The following FAM163A variants were observed in gnomAD, a reference collection of about 807,000 sequenced individuals.
FAM163A encodes protein FAM163A.
FAM163A carries 7 observed loss-of-function variants against 12.0 expected under a neutral mutation model. The ratio of observed to expected loss-of-function variants is 0.58; its 90% CI spans 0.33 to 1.10. The LOEUF is 1.10. Ranked by LOEUF, FAM163A falls within the 50% of genes least tolerant of loss-of-function variation. The pLI, the probability that FAM163A is intolerant of heterozygous loss-of-function variation, is 0.03. For missense variants in FAM163A, 202 were observed against 218.6 expected (o/e 0.92, Z 0.48); for synonymous variants, 101 against 91.0 (o/e 1.11, Z -0.62).
chr1:179,761,844 C>A (rs1250277994), intron 1 of FAM163A, among the ~76,000 whole-genome samples: 1 of 151,612 alleles, frequency 6.6e-6, no homozygotes, highest in African/African-American at 2.4e-5. Context: ...TTTGCATCAG[C>A]TATTGAGTAT....
At chr1:179,791,443 G>A (rs1430582628) in intron 1 of FAM163A, among the ~76,000 whole-genome samples, 1 of 152,194 alleles carries the variant, frequency 6.6e-6, no homozygotes, top group African/African-American at 2.4e-5. Context: ...AGCATGGCCA[G>A]GAGGCAGTTC....
chr1:179,755,757 G>A (rs1453475945), intron 1 of FAM163A, among the ~76,000 whole-genome samples: 3 of 152,180 alleles, frequency 2.0e-5, no homozygotes, highest in Non-Finnish European at 4.4e-5. Context: ...AGAACTGCTT[G>A]AGGACCACAT....
intron 1 of FAM163A, among the ~76,000 whole-genome samples, chr1:179,803,525 C>T (rs1372802899): frequency 1.3e-5 from 2 of 152,174 alleles, no homozygotes; most frequent in African/African-American, 4.8e-5. Context: ...TAGTGCCCAA[C>T]TCCAGCCTCT....
intron 1 of FAM163A, among the ~76,000 whole-genome samples, chr1:179,763,258 T>C (rs1387769171): frequency 6.6e-6 from 1 of 152,232 alleles, no homozygotes; most frequent in Non-Finnish European, 1.5e-5. Context: ...ATTTCCTTTA[T>C]AGATGTAACT....
At chr1:179,786,113 AC>A (rs1157398627) in intron 1 of FAM163A, among the ~76,000 whole-genome samples, 1 of 152,214 alleles carries the variant, frequency 6.6e-6, no homozygotes, top group Non-Finnish European at 1.5e-5. Context: ...AGTAATTAAT[AC>A]TTTTTAATCT....
the FAM163A span, among the ~76,000 whole-genome samples, chr1:179,732,919 G>C: frequency 7.2e-6 from 1 of 138,864 alleles, no homozygotes; most frequent in Non-Finnish European, 1.5e-5. Context: ...TTGTTTACAT[G>C]ATTGTTAGTC....
rs1186149611 is a variant in FAM163A at position 179,813,890 on chromosome 1, G to T, written c.205G>T (p.Ala69Ser). ...CACCTGCAATGCCTGCAGCTCCCAA[G>T]CCCTGGACGGCAGAGGCAGCCTGGC... ...GPTCNACSSQALDGRGSLAPL... is the reference protein window; with the variant it reads ...GPTCNACSSQSLDGRGSLAPL... Residue 69 changes from alanine to serine, a missense_variant, in exon 5 of 5, where the codon GCC (alanine) becomes TCC (serine). By Grantham distance (99) the Ala-to-Ser change is moderately conservative. Coordinates refer to ENST00000341785, the MANE Select transcript of FAM163A (RefSeq NM_173509.3). The T allele has an allele frequency of 6.2e-7, 1 of 1,613,936 alleles. No individual in the cohort carries two copies.
chr1:179,754,219 G>A (rs1027731690), intron 1 of FAM163A, among the ~76,000 whole-genome samples: 1 of 151,942 alleles, frequency 6.6e-6, no homozygotes, highest in Non-Finnish European at 1.5e-5. Context: ...TTCTGTTAGG[G>A]GATTTAATCA....
At chr1:179,790,094 C>T (rs560884480) in intron 1 of FAM163A, among the ~76,000 whole-genome samples, 1 of 152,172 alleles carries the variant, frequency 6.6e-6, no homozygotes, top group South Asian at 2.1e-4. Context: ...TGAAGTATGA[C>T]CCTCAACCCA....
At chr1:179,759,267 C>G (rs193091695) in intron 1 of FAM163A, among the ~76,000 whole-genome samples, 38 of 152,178 alleles carry the variant, frequency 2.5e-4, no homozygotes, top group Admixed American at 7.2e-4. Flanking sequence ...GCCAATTGTG[C>G]CCTTATGGGG....
chr1:179,754,640 G>T (rs376717059), intron 1 of FAM163A, among the ~76,000 whole-genome samples: 1 of 152,154 alleles, frequency 6.6e-6, no homozygotes, highest in Non-Finnish European at 1.5e-5. Flanking sequence ...GGGCCAAGAG[G>T]CTTCAAGAGA....
intron 1 of FAM163A, among the ~76,000 whole-genome samples, chr1:179,798,991 G>A (rs1432335547): frequency 1.3e-5 from 2 of 152,062 alleles, no homozygotes; most frequent in Non-Finnish European, 2.9e-5. Context: ...GCTCCCTCTG[G>A]CCCTCTTGTC....
chr1:179,795,957 T>TTTATTATTATTATTATTATTATTATTA (rs1557958055), intron 1 of FAM163A, among the ~76,000 whole-genome samples: 109 of 77,858 alleles, frequency 1.4e-3, no homozygotes, highest in African/African-American at 8.5e-3. Context: ...GGAGTCTTTC[T>TTTATTATTATTATTATTATTATTATTA]CTATTATTAT....
At chr1:179,750,362 A>G (rs16854633) in intron 1 of FAM163A, among the ~76,000 whole-genome samples, 2,464 of 152,338 alleles carry the variant, frequency 0.016, 68 homozygotes, top group African/African-American at 0.055. Flanking sequence ...GTGGAGGTGC[A>G]TGGTATTCTA....
intron 1 of FAM163A, among the ~76,000 whole-genome samples, chr1:179,807,240 G>A (rs755720991): frequency 3.9e-5 from 6 of 152,180 alleles, no homozygotes; most frequent in African/African-American, 1.4e-4. Context: ...CACCATCAGC[G>A]CAGCAGCCTG....
Position 179,800,231 on chromosome 1 carries a change from C to T in FAM163A, c.-135-7567C>T, listed in dbSNP as rs540649331. Among the ~76,000 whole-genome samples, 21 of 152,272 alleles carry T rather than the reference C, an allele frequency of 1.4e-4. No homozygotes were observed. The East Asian group carries it at 2.7e-3, about 20-fold the overall frequency. ...TCAGGCTCTGCCAGTGCAGGGGTTC[C>T]GACACACCTGTGCTTACTCTTCTTC... On this transcript the variant is annotated intron_variant, in intron 1 of 4. Coordinates refer to ENST00000341785, the MANE Select transcript of FAM163A (RefSeq NM_173509.3).
intron 2 of FAM163A, among the ~76,000 whole-genome samples, chr1:179,809,244 C>G (rs1312554036): frequency 6.6e-6 from 1 of 152,094 alleles, no homozygotes. Context: ...CACAACATGT[C>G]GAGGCCCCCC....
intron 1 of FAM163A, among the ~76,000 whole-genome samples, chr1:179,745,276 C>G (rs1476420633): frequency 2.0e-5 from 3 of 152,174 alleles, no homozygotes; most frequent in African/African-American, 7.2e-5. Context: ...TCTGGAAAGG[C>G]AAGGTGAGAT....
intron 1 of FAM163A, among the ~76,000 whole-genome samples, chr1:179,806,083 A>C (rs1693897711): frequency 6.6e-6 from 1 of 152,118 alleles, no homozygotes; most frequent in Non-Finnish European, 1.5e-5. Flanking sequence ...TCACCATGGA[A>C]ATCTCCTCAG....
Sources: allele counts gnomAD v4.1 joint callset (sites outside exome capture counted in the v4.1 genomes callset), GRCh38; gene constraint gnomAD v4.1.1; transcripts MANE v1.5; gene names NCBI Gene and HGNC (gene_info 2026-07-23, HGNC 2026-07-21).